Variants in ARPIN observed in about 807,000 individuals in gnomAD.
ARPIN encodes actin related protein 2/3 complex inhibitor.
In ARPIN, 23 loss-of-function variants were observed where a neutral mutation model predicts 25.9. The ratio of observed to expected loss-of-function variants is 0.89; its 90% CI spans 0.64 to 1.26. ARPIN has a LOEUF of 1.26. ARPIN is among the 50% of genes most tolerant of loss of function. The pLI, the probability that ARPIN is intolerant of heterozygous loss-of-function variation, is 0.00. For synonymous variants in ARPIN, 126 were observed against 131.4 expected (o/e 0.96, Z 0.28); for missense variants, 333 against 312.2 (o/e 1.07, Z -0.50).
At chr15:89,908,679 T>C (rs1897170773) in intron 2 of ARPIN, among the ~76,000 whole-genome samples, 1 of 151,932 alleles carries the variant, frequency 6.6e-6, no homozygotes, top group Admixed American at 6.6e-5. Context: ...AGACAAAAAG[T>C]ATATATAGAA....
At chr15:89,912,449 A>G in intron 1 of ARPIN, 1 of 1,219,174 alleles carries the variant, frequency 8.2e-7, no homozygotes, top group Non-Finnish European at 1.0e-6. Context: ...GTGGGGCCGG[A>G]GGTCGGCGTG....
At position 89,896,019 on chromosome 15, in the gene ARPIN, G is replaced by C. The variant is rs1338787702; in HGVS notation, c.*5776C>G. 1.3e-5 allele frequency: 2 copies of C among 152,320 alleles called. No individual in the cohort carries two copies. The highest frequency in any genetic ancestry group is 4.8e-5 in the African/African-American group (2 of 41,442). The allele number at this position is 152,320 out of a possible 1,614,324, so 9.4% of individuals were successfully genotyped here. A position where few individuals can be genotyped will look rare whatever the true frequency, so the allele number is the denominator to read the frequency against. ...TTCTCCTGCTTCAGCCTCCCCAGTA[G>C]CTGGGATTACAGGCACATGCCACCA... is the stretch of plus-strand genomic sequence containing the variant. On this transcript the variant is annotated 3_prime_UTR_variant, in exon 6 of 6. Transcript: ENST00000357484.
chr15:89,908,821 A>C (rs1172689287), intron 2 of ARPIN, among the ~76,000 whole-genome samples: 2 of 152,090 alleles, frequency 1.3e-5, no homozygotes, highest in African/African-American at 2.4e-5. Flanking sequence ...GTCTCCATCA[A>C]AAATATAAAA....
At chr15:89,903,480 A>G in intron 4 of ARPIN, 101 bp from the exon 5 acceptor site, 2 of 1,550,918 alleles carry the variant, frequency 1.3e-6, no homozygotes, top group Non-Finnish European at 1.7e-6. Context: ...GGGTTAAACC[A>G]CTGTTTTCTC....
chr15:89,906,691 G>C (rs1211934869), intron 3 of ARPIN, among the ~76,000 whole-genome samples: 1 of 152,154 alleles, frequency 6.6e-6, no homozygotes, highest in Non-Finnish European at 1.5e-5. Flanking sequence ...CTGAAGGTAT[G>C]AATGAATAAA....
In ARPIN at chr15:89,901,248, TA is replaced by T. The variant is rs1472424879; in HGVS notation, c.*546del. On this transcript the variant is annotated 3_prime_UTR_variant, in exon 6 of 6. Coordinates refer to ENST00000357484, the MANE Select transcript of ARPIN (RefSeq NM_182616.4). ...AATGAGAACGGAGGAAGAGCCCCGC[TA>T]ACTTCTCTCAGCTGCTCTGCATTTA... 1 of 158,930 alleles carries T rather than the reference TA, an allele frequency of 6.3e-6. No individual in the cohort carries two copies. The highest frequency in any genetic ancestry group is 1.4e-5 in the Non-Finnish European group (1 of 72,812). 9.8% of individuals were successfully genotyped at this position (158,930 alleles called of 1,614,324 possible).
rs1896968121 is a variant in ARPIN at position 89,898,661 on chromosome 15, C to T, written c.*3134G>A. 1 of 152,160 alleles carries T rather than the reference C, an allele frequency of 6.6e-6. No homozygotes were observed. The highest frequency in any genetic ancestry group is 2.1e-4 in the South Asian group (1 of 4,832). 9.4% of individuals were successfully genotyped at this position (152,160 alleles called of 1,614,324 possible). ...TCAGGCTGGTCTGAAAGAATCGCCC[C>T]AGAGCTCTTAAGGAGGAAGCGAGCC... On this transcript the variant is annotated 3_prime_UTR_variant, in exon 6 of 6. Transcript: ENST00000357484.
chr15:89,906,795 T>C (rs901954991), intron 3 of ARPIN, among the ~76,000 whole-genome samples: 1 of 151,754 alleles, frequency 6.6e-6, no homozygotes, highest in Non-Finnish European at 1.5e-5. Flanking sequence ...AAGAAGAAGA[T>C]CATGGAGGGC....
intron 2 of ARPIN, 129 bp from the exon 3 acceptor site, chr15:89,908,541 A>G: frequency 6.8e-7 from 1 of 1,472,996 alleles, no homozygotes; most frequent in Non-Finnish European, 9.1e-7. Flanking sequence ...AAGATGTTCA[A>G]GCTAGGCAGA....
In ARPIN at chr15:89,900,956, T is replaced by C. The variant is rs1596231752; in HGVS notation, c.*839A>G. The C allele has an allele frequency of 2.0e-5, 3 of 152,358 alleles. No individual in the cohort carries two copies. The highest frequency in any genetic ancestry group is 4.4e-5 in the Non-Finnish European group (3 of 68,048). 9.4% of individuals were successfully genotyped at this position (152,358 alleles called of 1,614,324 possible). A position where few individuals can be genotyped will look rare whatever the true frequency, so the allele number is the denominator to read the frequency against. ...AAAAGGTATTCTCAAAACTGTAGCC[T>C]GGCAGAGTGAGTCTGAGAGATGCGG... On this transcript the variant is annotated 3_prime_UTR_variant, in exon 6 of 6. Coordinates refer to ENST00000357484, the MANE Select transcript of ARPIN (RefSeq NM_182616.4).
intron 1 of ARPIN, chr15:89,912,136 A>G: frequency 2.1e-6 from 2 of 940,588 alleles, no homozygotes; most frequent in Non-Finnish European, 2.5e-6. Context: ...TGCCGTTTCT[A>G]TGGTTCAACG....
At chr15:89,912,497 G>C in intron 1 of ARPIN, 1 of 1,284,932 alleles carries the variant, frequency 7.8e-7, no homozygotes, top group Non-Finnish European at 9.8e-7. Context: ...TCTGGGGGTC[G>C]GGACCCTCTC....
Position 89,903,270 on chromosome 15 carries a change from C to G in ARPIN, c.618G>C (p.Lys206Asn), listed in dbSNP as rs372933100. 1.4e-5 allele frequency: 23 copies of G among 1,614,120 alleles called. No homozygotes were observed. In the African/African-American group the frequency reaches 2.8e-4, roughly 20 times the overall value. ...GCTCTCGGATCTCCGCTGCAGCCCC[C>G]TTCGAACACTTTTGGGCCATGATGT... Reference protein sequence around the residue: ...TDNIMAQKCSKGAAAEIREQG... With the variant: ...TDNIMAQKCSNGAAAEIREQG... Residue 206 changes from lysine to asparagine, a missense_variant, in exon 5 of 6, where the codon AAG (lysine) becomes AAC (asparagine). By Grantham distance (94) the Lys-to-Asn change is moderately conservative. Transcript: ENST00000357484.
rs1896941201 is a variant in ARPIN, at chr15:89,897,043, CA to C, written c.*4751del. On this transcript the variant is annotated 3_prime_UTR_variant, in exon 6 of 6. Transcript: ENST00000357484. ...GGCATCTGTTCCTAAAGAAATAACC[CA>C]AAAATATAGTTAGAGGTGGGGAATT... The C allele has an allele frequency of 6.6e-6, 1 of 152,210 alleles. No individual in the cohort carries two copies. Among genetic ancestry groups the C allele is most frequent in the Non-Finnish European group, 1.5e-5 (1 of 68,012 alleles). 9.4% of individuals were successfully genotyped at this position (152,210 alleles called of 1,614,324 possible). A position where few individuals can be genotyped will look rare whatever the true frequency, so the allele number is the denominator to read the frequency against.
At chr15:89,908,172 T>A (rs1897158270) in intron 3 of ARPIN, 108 bp downstream of exon 3, 7 of 1,528,306 alleles carry the variant, frequency 4.6e-6, no homozygotes, top group Admixed American at 2.0e-5. Flanking sequence ...GGCTTCAACA[T>A]CAAGAGGGCT....
intron 3 of ARPIN, among the ~76,000 whole-genome samples, chr15:89,906,242 C>T (rs1466225140): frequency 6.6e-6 from 1 of 152,166 alleles, no homozygotes; most frequent in Non-Finnish European, 1.5e-5. Context: ...CAGACCTGAT[C>T]ACATCACCTG....
Position 89,895,080 on chromosome 15 carries a change from G to A in ARPIN, c.*6715C>T, listed in dbSNP as rs893662403. 3.3e-5 allele frequency: 5 copies of A among 151,786 alleles called. No individual in the cohort carries two copies. Among genetic ancestry groups the A allele is most frequent in the African/African-American group, 4.8e-5 (2 of 41,290 alleles). 9.4% of individuals were successfully genotyped at this position (151,786 alleles called of 1,614,324 possible). On this transcript the variant is annotated 3_prime_UTR_variant, in exon 6 of 6. Coordinates refer to ENST00000357484, the MANE Select transcript of ARPIN (RefSeq NM_182616.4). ...TTTAGCCTGAGGAACATACATTTCT[G>A]CCAGAGTATCTTCAGAACAGTAAAA...
intron 2 of ARPIN, 150 bp downstream of exon 2, chr15:89,910,594 T>A (rs1180094989): frequency 3.4e-6 from 3 of 895,378 alleles, no homozygotes; most frequent in Non-Finnish European, 5.1e-6. Flanking sequence ...CATTTGGCTA[T>A]AAATCTCCTG....
At chr15:89,902,989 G>A in intron 5 of ARPIN, 2 of 1,431,494 alleles carry the variant, frequency 1.4e-6, no homozygotes, top group African/African-American at 2.9e-5. Flanking sequence ...GGAATCTTTG[G>A]GGAATAGTTA....
Sources: gnomAD v4.1 joint callset for allele counts (sites outside exome capture counted in the v4.1 genomes callset) on GRCh38, gnomAD v4.1.1 for gene constraint, MANE v1.5 for transcripts, NCBI Gene and HGNC (gene_info 2026-07-23, HGNC 2026-07-21) for gene names.